Variants in ARID5A observed in about 807,000 individuals in gnomAD.
The protein encoded by ARID5A is AT-rich interactive domain-containing protein 5A.
Under a neutral mutation model 30.5 loss-of-function variants are expected in ARID5A, and 14 were observed. The observed-to-expected ratio is 0.46, with a 90% confidence interval of 0.30 to 0.72. The LOEUF (loss-of-function observed/expected upper bound fraction) is 0.72, where lower values mean the gene tolerates loss of function less well. Among genes scored for constraint, ARID5A ranks in the 30% least tolerant of loss-of-function variants. The pLI, the probability that ARID5A is intolerant of heterozygous loss-of-function variation, is 0.07. For synonymous variants in ARID5A, 338 were observed against 340.4 expected (o/e 0.99, Z 0.08); for missense variants, 669 against 786.2 (o/e 0.85, Z 1.78).
At chr2:96,538,628 C>T (rs1254664402) in intron 1 of ARID5A, among the ~76,000 whole-genome samples, 2 of 152,242 alleles carry the variant, frequency 1.3e-5, no homozygotes, top group Non-Finnish European at 2.9e-5. Flanking sequence ...CTCGGCCTGG[C>T]CGCCGCTCCC....
chr2:96,541,621 C>G (rs1034096828), intron 1 of ARID5A, among the ~76,000 whole-genome samples: 1 of 152,184 alleles, frequency 6.6e-6, no homozygotes, highest in Non-Finnish European at 1.5e-5. Flanking sequence ...GCTAGGATCC[C>G]TATTTCATCC....
rs766043931 is a variant in ARID5A, at chr2:96,547,417, G to C, written c.20G>C (p.Gly7Ala). The C allele has an allele frequency of 1.2e-6, 2 of 1,613,712 alleles. No homozygotes were observed. The highest frequency in any genetic ancestry group is 2.7e-5 in the African/African-American group (2 of 74,844). ...CTCCTTGCAGCAGCCCCTGTCAAAG[G>C]GAACAGGAAGCAGTCCACGGAGGGT... Reference protein sequence around the residue: MAAPVKGNRKQSTEGDA... With the variant: MAAPVKANRKQSTEGDA... The change falls in exon 2 of 7, where the codon GGG (glycine) becomes GCG (alanine). Residue 7 changes from glycine (G) to alanine (A), a missense_variant. Physicochemically the swap from Gly to Ala is moderately conservative, Grantham distance 60 (BLOSUM62 0). Coordinates refer to ENST00000357485, the MANE Select transcript of ARID5A (RefSeq NM_212481.3).
chr2:96,551,033 C>T (rs1465352504), intron 6 of ARID5A, 66 bp from the exon 7 acceptor site: 3 of 1,524,216 alleles, frequency 2.0e-6, no homozygotes, highest in African/African-American at 2.8e-5. Context: ...AAAGTGCCAC[C>T]TCTTGCTCCT....
chr2:96,549,819 C>T lies in ARID5A; in HGVS notation c.312+14C>T, dbSNP rs1362125609. 3.7e-6 allele frequency: 6 copies of T among 1,610,142 alleles called. No individual in the cohort carries two copies. The highest frequency in any genetic ancestry group is 1.7e-5 in the Admixed American group (1 of 59,706). On this transcript the variant is annotated intron_variant, in intron 4 of 6. Transcript: ENST00000357485. The surrounding 1 kb of genome is among the most constrained non-coding windows in gnomAD (Gnocchi z 6.1). ...GCCTATGAGCTGGTAAGGAAGGCAC[C>T]TCCCAGTCCTTGCCAAACTGCATAT...
rs1320065542 is a variant in ARID5A at position 96,552,142 on chromosome 2, C to A, written c.1614C>A (p.Phe538Leu). Residue 538 changes from phenylalanine to leucine, a missense_variant, in exon 7 of 7, where the codon TTC (phenylalanine) becomes TTA (leucine). Phe to Leu is a conservative substitution (Grantham distance 22). Coordinates refer to ENST00000357485, the MANE Select transcript of ARID5A (RefSeq NM_212481.3). The part of the protein sequence containing the change: ...PLVIPAFPAH[F>L]LATAGPSPMA... ...TCATCCCGGCCTTCCCGGCCCACTT[C>A]CTGGCCACCGCAGGCCCCTCGCCCA... The A allele has an allele frequency of 1.9e-6, 3 of 1,612,842 alleles. No homozygotes were observed. Among genetic ancestry groups the A allele is most frequent in the Non-Finnish European group, 2.5e-6 (3 of 1,179,814 alleles).
At position 96,547,418 on chromosome 2, in the gene ARID5A, G is replaced by A; in HGVS notation, c.21G>A (p.Gly7=). The change falls in exon 2 of 7, where the codon GGG becomes GGA. Residue 7 remains glycine (G), a synonymous_variant. Coordinates refer to ENST00000357485, the MANE Select transcript of ARID5A (RefSeq NM_212481.3). MAAPVK[G]NRKQSTEGDA... ...TCCTTGCAGCAGCCCCTGTCAAAGG[G>A]AACAGGAAGCAGTCCACGGAGGGTG... The A allele has an allele frequency of 6.2e-7, 1 of 1,613,814 alleles. No homozygotes were observed. Among genetic ancestry groups the A allele is most frequent in the South Asian group, 1.1e-5 (1 of 91,054 alleles).
rs949810764 is a variant in ARID5A, at chr2:96,549,051, C to G, written c.121-270C>G. ...CCTGGAGAAGGCTGGGGACTGCTCT[C>G]GTGGCAGCCTCTGGAGCCAGCTGCT... On this transcript the variant is annotated intron_variant, in intron 2 of 6. Coordinates refer to ENST00000357485, the MANE Select transcript of ARID5A (RefSeq NM_212481.3). This position sits in a 1 kb window ranked among gnomAD's most constrained non-coding sequence, Gnocchi z 6.1. Among the ~76,000 whole-genome samples the G allele has an allele frequency of 1.3e-5, 2 of 152,160 alleles. No individual in the cohort carries two copies. Among genetic ancestry groups the G allele is most frequent in the African/African-American group, 4.8e-5 (2 of 41,432 alleles).
intron 1 of ARID5A, among the ~76,000 whole-genome samples, chr2:96,545,120 T>A (rs1573190921): frequency 6.5e-5 from 1 of 15,396 alleles, no homozygotes; most frequent in East Asian, 6.9e-3. Flanking sequence ...TTTTTTCTTC[T>A]TTTTTTTTCT....
At chr2:96,545,393 G>A (rs931856193) in intron 1 of ARID5A, among the ~76,000 whole-genome samples, 1 of 151,882 alleles carries the variant, frequency 6.6e-6, no homozygotes, top group Non-Finnish European at 1.5e-5. Context: ...CTGACCTCAG[G>A]TGATCCACCC....
chr2:96,541,044 C>CT (rs1010271512), intron 1 of ARID5A, among the ~76,000 whole-genome samples: 2,020 of 126,414 alleles, frequency 0.016, 21 homozygotes, highest in African/African-American at 0.019. Context: ...CGCACCTGGC[C>CT]TTTTTTTTTT....
At chr2:96,541,331 T>C (rs2065842951) in intron 1 of ARID5A, among the ~76,000 whole-genome samples, 1 of 152,188 alleles carries the variant, frequency 6.6e-6, no homozygotes. Flanking sequence ...TTAAAGGGAA[T>C]GTAACAGAAT....
Position 96,550,783 on chromosome 2 carries a change from C to A in ARID5A, c.570+50C>A. On this transcript the variant is annotated intron_variant, in intron 6 of 6. Coordinates refer to ENST00000357485, the MANE Select transcript of ARID5A (RefSeq NM_212481.3). The surrounding 1 kb of genome is among the most constrained non-coding windows in gnomAD (Gnocchi z 6.6). ...ACCCTGTCCCTTGCCTCTTGTAGCC[C>A]CCTACCCCACAACTCCCTGTGGCCG... 6.7e-7 allele frequency: 1 copy of A among 1,496,244 alleles called. No homozygotes were observed. Among genetic ancestry groups the A allele is most frequent in the Non-Finnish European group, 8.9e-7 (1 of 1,120,706 alleles). 92.7% of individuals were successfully genotyped at this position (1,496,244 alleles called of 1,614,324 possible). A position where few individuals can be genotyped will look rare whatever the true frequency, so the allele number is the denominator to read the frequency against.
Position 96,542,310 on chromosome 2 carries a change from A to T in ARID5A, c.5-5092A>T, listed in dbSNP as rs143101237. 2.2e-3 allele frequency among the ~76,000 whole-genome samples: 332 copies of T among 152,322 alleles called. 2 individuals carry two copies. The highest frequency in any genetic ancestry group is 7.8e-3 in the African/African-American group (324 of 41,572). The stretch of plus-strand genomic sequence containing the variant: ...GCAGGACAGAGCACTAACCCTGAGA[A>T]TGGAGACCGAGTTCATCTGGGGACT... On this transcript the variant is annotated intron_variant, in intron 1 of 6. Transcript: ENST00000357485.
intron 1 of ARID5A, among the ~76,000 whole-genome samples, chr2:96,546,320 T>C (rs940894616): frequency 1.3e-5 from 2 of 152,252 alleles, no homozygotes; most frequent in Non-Finnish European, 2.9e-5. Flanking sequence ...AAGAAAAGGT[T>C]GTCAGAAGAT....
intron 1 of ARID5A, chr2:96,538,275 G>A (rs1297132717): frequency 1.0e-6 from 1 of 985,386 alleles, no homozygotes; most frequent in African/African-American, 1.7e-5. Context: ...CGTGGGGAGG[G>A]ACAGTCCCAT....
At chr2:96,541,968 C>T (rs1034038013) in intron 1 of ARID5A, among the ~76,000 whole-genome samples, 1 of 152,216 alleles carries the variant, frequency 6.6e-6, no homozygotes, top group Non-Finnish European at 1.5e-5. Context: ...TAAGCCTTTT[C>T]CCTCCTCCAC....
intron 1 of ARID5A, among the ~76,000 whole-genome samples, chr2:96,544,753 A>C (rs2065898161): frequency 6.6e-6 from 1 of 152,232 alleles, no homozygotes; most frequent in African/African-American, 2.4e-5. Flanking sequence ...AGTAATTTTA[A>C]GTTTCAAGTC....
chr2:96,549,098 G>A lies in ARID5A; in HGVS notation c.121-223G>A, dbSNP rs964145672. On this transcript the variant is annotated intron_variant, in intron 2 of 6. Transcript: ENST00000357485. This position sits in a 1 kb window ranked among gnomAD's most constrained non-coding sequence, Gnocchi z 6.1. ...TGCTCTGGGGTACCCAGCCTCCGGG[G>A]AGGTCCTGGACTCTAGCTCCTGTCC... Among the ~76,000 whole-genome samples, 2 of 152,196 alleles carry A rather than the reference G, an allele frequency of 1.3e-5. No individual in the cohort carries two copies. Among genetic ancestry groups the A allele is most frequent in the African/African-American group, 4.8e-5 (2 of 41,452 alleles).
intron 1 of ARID5A, chr2:96,538,210 C>A: frequency 1.0e-6 from 1 of 985,474 alleles, no homozygotes; most frequent in Middle Eastern, 5.2e-4. Context: ...TGGGAACACA[C>A]GAAACCATCT....
Sources: allele counts gnomAD v4.1 joint callset (sites outside exome capture counted in the v4.1 genomes callset), GRCh38; gene constraint gnomAD v4.1.1; non-coding constraint Gnocchi (gnomAD v3.1); transcripts MANE v1.5; gene names NCBI Gene and HGNC (gene_info 2026-07-23, HGNC 2026-07-21).